NUDT6: variants seen among roughly 807,000 people sequenced by gnomAD.
NUDT6 encodes FAD diphosphatase NUDT6.
NUDT6 carries 24 observed loss-of-function variants against 36.8 expected under a neutral mutation model. That is an observed-to-expected ratio of 0.65 (90% CI 0.47 to 0.92). The LOEUF (loss-of-function observed/expected upper bound fraction) is 0.92, where lower values mean the gene tolerates loss of function less well. NUDT6 is among the 40% of genes least tolerant of loss of function. NUDT6 has a pLI of 0.00. For synonymous variants in NUDT6, 163 were observed against 157.0 expected, an observed-to-expected ratio of 1.04 and a Z score of -0.29; for missense variants, 388 against 392.8, an observed-to-expected ratio of 0.99 and a Z score of 0.10.
At chr4:122,907,323 T>C (rs1208488592) in intron 3 of NUDT6, among the ~76,000 whole-genome samples, 1 of 151,674 alleles carries the variant, frequency 6.6e-6, no homozygotes, top group Non-Finnish European at 1.5e-5. Context: ...AAAGTAGAGA[T>C]GGGGTTTCAC....
At chr4:122,901,451 T>C (rs1727522683) in intron 3 of NUDT6, among the ~76,000 whole-genome samples, 1 of 152,154 alleles carries the variant, frequency 6.6e-6, no homozygotes, top group Non-Finnish European at 1.5e-5. Context: ...TGATGTTCTT[T>C]GTGTGTGTGT....
At chr4:122,914,178 G>C (rs1727786019) in intron 2 of NUDT6, among the ~76,000 whole-genome samples, 1 of 152,136 alleles carries the variant, frequency 6.6e-6, no homozygotes, top group African/African-American at 2.4e-5. Flanking sequence ...GTAGAATATA[G>C]AGAAGGAATA....
At chr4:122,922,295 C>T in intron 1 of NUDT6, 40 bp downstream of exon 1, 1 of 1,548,492 alleles carries the variant, frequency 6.5e-7, no homozygotes, top group East Asian at 2.3e-5. Flanking sequence ...ATTAGAAAAG[C>T]TCTGGAGCCC....
At position 122,892,791 on chromosome 4, in the gene NUDT6, C is replaced by T. The variant is rs377651203; in HGVS notation, c.*37G>A. 1.8e-4 allele frequency: 267 copies of T among 1,480,378 alleles called. No individual in the cohort carries two copies. Among genetic ancestry groups the T allele is most frequent in the Non-Finnish European group, 2.3e-4 (255 of 1,093,628 alleles). The allele number at this position is 1,480,378 out of a possible 1,614,324, so 91.7% of individuals were successfully genotyped here. A position where few individuals can be genotyped will look rare whatever the true frequency, so the allele number is the denominator to read the frequency against. On this transcript the variant is annotated 3_prime_UTR_variant, in exon 5 of 5. Transcript: ENST00000304430. ...AATGTCCACTATTTCTTATGTCATTCGTTAGTCTACATGTTTCTAAACATA... is the reference window on the plus strand; with the variant it reads ...AATGTCCACTATTTCTTATGTCATTTGTTAGTCTACATGTTTCTAAACATA...
intron 1 of NUDT6, chr4:122,920,203 A>G (rs749874796): frequency 2.0e-5 from 3 of 152,304 alleles, no homozygotes; most frequent in Non-Finnish European, 4.4e-5. Flanking sequence ...AGGCACTACC[A>G]TTCAGTTAGT....
At chr4:122,905,701 G>A (rs1053045912) in intron 3 of NUDT6, among the ~76,000 whole-genome samples, 3 of 152,210 alleles carry the variant, frequency 2.0e-5, no homozygotes, top group Non-Finnish European at 4.4e-5. Flanking sequence ...AAGTCACTCA[G>A]TGCCTAACAC....
chr4:122,892,776 A>G lies in NUDT6; in HGVS notation c.*52T>C. 2.1e-6 allele frequency: 3 copies of G among 1,441,704 alleles called. No homozygotes were observed. Among genetic ancestry groups the G allele is most frequent in the Non-Finnish European group, 1.9e-6 (2 of 1,067,364 alleles). 89.3% of individuals were successfully genotyped at this position (1,441,704 alleles called of 1,614,324 possible). A position where few individuals can be genotyped will look rare whatever the true frequency, so the allele number is the denominator to read the frequency against. On this transcript the variant is annotated 3_prime_UTR_variant, in exon 5 of 5. Coordinates refer to ENST00000304430, the MANE Select transcript of NUDT6 (RefSeq NM_007083.5). ...GTTTAATCAATCCAAAATGTCCACT[A>G]TTTCTTATGTCATTCGTTAGTCTAC...
chr4:122,906,111 T>C (rs1364858748), intron 3 of NUDT6, among the ~76,000 whole-genome samples: 1 of 152,186 alleles, frequency 6.6e-6, no homozygotes, highest in Non-Finnish European at 1.5e-5. Flanking sequence ...GGCTTTGACA[T>C]AGGACACTTG....
chr4:122,897,866 T>C, intron 3 of NUDT6, 188 bp from the exon 4 acceptor site: 1 of 577,628 alleles, frequency 1.7e-6, no homozygotes. Flanking sequence ...AGCTGGTAAC[T>C]GATGAAATCT....
intron 3 of NUDT6, among the ~76,000 whole-genome samples, chr4:122,911,082 T>G (rs1038758595): frequency 6.6e-6 from 1 of 152,192 alleles, no homozygotes; most frequent in Admixed American, 6.5e-5. Context: ...ACATACAGTA[T>G]TTCGGGCATA....
At position 122,922,372 on chromosome 4, in the gene NUDT6, G is replaced by C. The variant is rs1434172357; in HGVS notation, c.201C>G (p.Asp67Glu). The C allele has an allele frequency of 6.2e-7, 1 of 1,605,994 alleles. No individual in the cohort carries two copies. Among genetic ancestry groups the C allele is most frequent in the Non-Finnish European group, 8.5e-7 (1 of 1,179,394 alleles). ...SVRLARLDAL[D>E]RLDAAAFQKG... ...TCTGGAAGGCGGCAGCGTCCAGGCG[G>C]TCCAGCGCATCGAGCCGCGCCAGGC... The change falls in exon 1 of 5, where the codon GAC becomes GAG. Residue 67 changes from aspartate (D) to glutamate (E), a missense_variant. Physicochemically the swap from Asp to Glu is conservative, Grantham distance 45 (BLOSUM62 2). Transcript: ENST00000304430.
intron 4 of NUDT6, chr4:122,895,066 G>A (rs1434081446): frequency 6.6e-6 from 1 of 152,104 alleles, no homozygotes; most frequent in Non-Finnish European, 1.5e-5. Flanking sequence ...AGTTTAACTT[G>A]AATCACTAAC....
At chr4:122,911,503 T>C (rs1444468850) in intron 3 of NUDT6, among the ~76,000 whole-genome samples, 1 of 152,174 alleles carries the variant, frequency 6.6e-6, no homozygotes, top group African/African-American at 2.4e-5. Context: ...ACTTTAGGTG[T>C]TCTATAAATT....
rs765511759 is a variant in NUDT6 at position 122,922,394 on chromosome 4, A to C, written c.179T>G (p.Leu60Arg). 9.3e-6 allele frequency: 15 copies of C among 1,609,162 alleles called. No individual in the cohort carries two copies. The East Asian group carries it at 3.3e-4, about 36-fold the overall frequency. Residue 60 changes from leucine to arginine, a missense_variant, in exon 1 of 5, where the codon CTG becomes CGG. Transcript: ENST00000304430. ...LDRFGGISVR[L>R]ARLDALDRLD... ...GCGGTCCAGCGCATCGAGCCGCGCC[A>C]GGCGCACCGAGATGCCCCCGAATCT... is the stretch of plus-strand genomic sequence containing the variant.
chr4:122,922,599 C>T (rs1406856600), upstream of NUDT6: 8 of 1,554,750 alleles, frequency 5.1e-6, no homozygotes, highest in African/African-American at 4.0e-5. Flanking sequence ...TCGTCCGTTG[C>T]CCAAATGACC....
intron 3 of NUDT6, among the ~76,000 whole-genome samples, chr4:122,904,568 T>C (rs1727582019): frequency 6.6e-6 from 1 of 152,274 alleles, no homozygotes; most frequent in South Asian, 2.1e-4. Flanking sequence ...GCGATTCTCC[T>C]GCCTCAGCCT....
rs975255247 is a variant in NUDT6, at chr4:122,916,950, G to A, written c.442+551C>T. 1.8e-4 allele frequency among the ~76,000 whole-genome samples: 27 copies of A among 152,270 alleles called. 1 individual carries two copies. Among genetic ancestry groups the A allele is most frequent in the Middle Eastern group, 3.4e-3 (1 of 294 alleles). Reference sequence around the variant, plus strand: ...TAGCCTATGGATCATGGATACACTGGATATGGGGAAGATTCACGGCCTGGT... The same window carrying A: ...TAGCCTATGGATCATGGATACACTGAATATGGGGAAGATTCACGGCCTGGT... On this transcript the variant is annotated intron_variant, in intron 2 of 4. Coordinates refer to ENST00000304430, the MANE Select transcript of NUDT6 (RefSeq NM_007083.5).
At chr4:122,907,155 G>A (rs72674944) in intron 3 of NUDT6, among the ~76,000 whole-genome samples, 14,033 of 152,096 alleles carry the variant, frequency 0.092, 837 homozygotes, top group Middle Eastern at 0.21. Context: ...TTTTTGAGAC[G>A]AGTCTCACTC....
At chr4:122,907,287 T>C (rs1727635948) in intron 3 of NUDT6, among the ~76,000 whole-genome samples, 1 of 150,146 alleles carries the variant, frequency 6.7e-6, no homozygotes, top group African/African-American at 2.5e-5. Context: ...TGCGCCACCA[T>C]GCCCTGCTAA....
Sources: allele counts gnomAD v4.1 joint callset (sites outside exome capture counted in the v4.1 genomes callset), GRCh38; gene constraint gnomAD v4.1.1; transcripts MANE v1.5; gene names NCBI Gene and HGNC (gene_info 2026-07-23, HGNC 2026-07-21).